VPS25: variants seen among roughly 807,000 people sequenced by gnomAD.
VPS25 encodes the protein vacuolar protein sorting 25 homolog.
A neutral mutation model predicts 30.3 loss-of-function variants in VPS25; 21 were observed. The observed-to-expected ratio is 0.69, with a 90% CI of 0.49 to 1.00. The LOEUF (loss-of-function observed/expected upper bound fraction) is 1.00. Among genes scored for constraint, VPS25 ranks in the 50% least tolerant of loss-of-function variants. VPS25 has a pLI of 0.00. For synonymous variants in VPS25, 101 were observed against 88.1 expected, an observed-to-expected ratio of 1.15 and a Z score of -0.82; for missense variants, 156 against 217.2, an observed-to-expected ratio of 0.72 and a Z score of 1.77.
At position 42,773,755 on chromosome 17, in the gene VPS25, C is replaced by A; in HGVS notation, c.76C>A (p.Arg26=). 3.1e-6 allele frequency: 5 copies of A among 1,614,098 alleles called. No individual in the cohort carries two copies. Among genetic ancestry groups the A allele is most frequent in the Non-Finnish European group, 4.2e-6 (5 of 1,179,992 alleles). Residue 26 remains arginine (R), a synonymous_variant, in exon 2 of 6, where the codon CGG becomes AGG. Transcript: ENST00000253794. ...CAGGTTACAACCGAATGTGGACACT[C>A]GGCAGAAGCAGCTGGCCGCCTGGTG... The part of the protein sequence containing the change: ...FFTLQPNVDT[R]QKQLAAWCSL...
In VPS25 at chr17:42,779,186, C is replaced by G; in HGVS notation, c.*117C>G. 1 of 935,628 alleles carries G rather than the reference C, an allele frequency of 1.1e-6. No individual in the cohort carries two copies. The highest frequency in any genetic ancestry group is 1.6e-6 in the Non-Finnish European group (1 of 607,440). 58.0% of individuals were successfully genotyped at this position (935,628 alleles called of 1,614,324 possible). Reference sequence around the variant, plus strand: ...GACTCCACCAGACTCAAAAGGACTCCAGTCCTGAAGGCTGGGACCTGGGGA... The same window carrying G: ...GACTCCACCAGACTCAAAAGGACTCGAGTCCTGAAGGCTGGGACCTGGGGA... On this transcript the variant is annotated 3_prime_UTR_variant, in exon 6 of 6. Transcript: ENST00000253794.
At chr17:42,773,950 C>T (rs934461113) in intron 2 of VPS25, 72 bp downstream of exon 2, 5 of 1,525,106 alleles carry the variant, frequency 3.3e-6, no homozygotes, top group Admixed American at 1.9e-5. Context: ...CCAGACGCCC[C>T]CCCGCGCCAG....
intron 5 of VPS25, among the ~76,000 whole-genome samples, chr17:42,777,878 C>G (rs888660908): frequency 1.3e-5 from 2 of 152,180 alleles, no homozygotes; most frequent in Non-Finnish European, 2.9e-5. Flanking sequence ...AGGGTGTCTC[C>G]CCTTTCTGCC....
chr17:42,774,839 C>G, intron 3 of VPS25, 140 bp downstream of exon 3: 1 of 631,458 alleles, frequency 1.6e-6, no homozygotes, highest in South Asian at 2.6e-5. Context: ...AGTAGGCAGC[C>G]CAATTCCCAA....
At chr17:42,778,193 GT>G (rs959083192) in intron 5 of VPS25, among the ~76,000 whole-genome samples, 12 of 148,548 alleles carry the variant, frequency 8.1e-5, no homozygotes, top group South Asian at 2.1e-4. Flanking sequence ...AATTTTTTTG[GT>G]TTTTTTTTTG....
In VPS25 at chr17:42,774,656, T is replaced by A. The variant is rs1381088625; in HGVS notation, c.210T>A (p.Pro70=). ...TTAACCTTAAACCAGGAAAGCTTCCTGTGGAGTCGATCCAGATTGTATTAG... is the reference window on the plus strand; with the variant it reads ...TTAACCTTAAACCAGGAAAGCTTCCAGTGGAGTCGATCCAGATTGTATTAG... ...FNNVKLQRKL[P]VESIQIVLEE... is the part of the protein sequence containing the mutation. The change falls in exon 3 of 6, where the codon CCT becomes CCA. Residue 70 remains proline, a synonymous_variant. Coordinates refer to ENST00000253794, the MANE Select transcript of VPS25 (RefSeq NM_032353.4). 1 of 1,613,098 alleles carries A rather than the reference T, an allele frequency of 6.2e-7. No homozygotes were observed. The highest frequency in any genetic ancestry group is 8.5e-7 in the Non-Finnish European group (1 of 1,179,290).
chr17:42,776,380 C>A lies in VPS25; in HGVS notation c.418+60C>A. The A allele has an allele frequency of 4.0e-6, 6 of 1,509,750 alleles. No homozygotes were observed. In the Admixed American group the frequency reaches 1.0e-4, roughly 26 times the overall value. 93.5% of individuals were successfully genotyped at this position (1,509,750 alleles called of 1,614,324 possible). On this transcript the variant is annotated intron_variant, in intron 5 of 5. Transcript: ENST00000253794. ...TTTGTTTTGTTTTGTTTTGTTTTTC[C>A]GATATGGAGTCTTGCTCTGTCACCC...
At position 42,775,333 on chromosome 17, in the gene VPS25, T is replaced by G. The variant is rs202047928; in HGVS notation, c.254-48T>G. On this transcript the variant is annotated intron_variant, in intron 3 of 5. Transcript: ENST00000253794. ...CCTCCCGCCTTGGCCTCCCAAAGTG[T>G]AAGCCACTGCGCGCCTGGTTATGCT... The G allele has an allele frequency of 7.2e-6, 11 of 1,526,174 alleles. No individual in the cohort carries two copies. In the African/African-American group the frequency reaches 1.2e-4, roughly 17 times the overall value. 94.5% of individuals were successfully genotyped at this position (1,526,174 alleles called of 1,614,324 possible).
rs758451698 is a variant in VPS25 at position 42,779,022 on chromosome 17, G to A, written c.484G>A (p.Ala162Thr). Residue 162 changes from alanine (A) to threonine (T), a missense_variant, in exon 6 of 6, where the codon GCC (alanine) becomes ACC (threonine). By Grantham distance (58) the Ala-to-Thr change is moderately conservative. Coordinates refer to ENST00000253794, the MANE Select transcript of VPS25 (RefSeq NM_032353.4). ...GCAGGCCCTACAGCAGGAGCACAAG[G>A]CCGAGATCATCACTGTCAGCGATGG... The part of the protein sequence containing the change: ...ALQALQQEHK[A>T]EIITVSDGRG... The A allele has an allele frequency of 3.1e-6, 5 of 1,610,462 alleles. No homozygotes were observed. The highest frequency in any genetic ancestry group is 4.2e-6 in the Non-Finnish European group (5 of 1,178,584).
Position 42,778,937 on chromosome 17 carries a change from G to A in VPS25, c.419-20G>A, listed in dbSNP as rs2054451686. ...TGGGCCTCAGGAGCTGATTGTCTCT[G>A]CCTATCTCTCCCTGTTCAGAGTTCC... On this transcript the variant is annotated intron_variant, in intron 5 of 5. Transcript: ENST00000253794. 2 of 1,611,442 alleles carry A rather than the reference G, an allele frequency of 1.2e-6. No homozygotes were observed. Among genetic ancestry groups the A allele is most frequent in the South Asian group, 2.2e-5 (2 of 90,870 alleles).
chr17:42,775,628 T>C (rs2054431695), intron 4 of VPS25, among the ~76,000 whole-genome samples, 159 bp downstream of exon 4: 1 of 152,202 alleles, frequency 6.6e-6, no homozygotes, highest in Non-Finnish European at 1.5e-5. Context: ...CCTCTTTAAG[T>C]GACTCAATGT....
chr17:42,774,603 C>G (rs377412270), intron 2 of VPS25, 43 bp from the exon 3 acceptor site: 7 of 1,586,066 alleles, frequency 4.4e-6, no homozygotes, highest in African/African-American at 2.7e-5. Flanking sequence ...AATTTTTATC[C>G]TACCCAACTC....
intron 5 of VPS25, among the ~76,000 whole-genome samples, chr17:42,777,325 G>T (rs1271028595): frequency 6.6e-6 from 1 of 152,174 alleles, no homozygotes; most frequent in Non-Finnish European, 1.5e-5. Flanking sequence ...GACCAGCCTG[G>T]CCAACATAGT....
In VPS25 at chr17:42,778,993, C is replaced by A. The variant is rs1303661720; in HGVS notation, c.455C>A (p.Ala152Asp). Reference protein sequence around the residue: ...HGLDEATLLRALQALQQEHKA... With the variant: ...HGLDEATLLRDLQALQQEHKA... Reference sequence around the variant, plus strand: ...CTGGATGAAGCCACTCTACTGCGGGCTCTGCAGGCCCTACAGCAGGAGCAC... The same window carrying A: ...CTGGATGAAGCCACTCTACTGCGGGATCTGCAGGCCCTACAGCAGGAGCAC... The change falls in exon 6 of 6, where the codon GCT becomes GAT. Residue 152 changes from alanine (A) to aspartate (D), a missense_variant. Coordinates refer to ENST00000253794, the MANE Select transcript of VPS25 (RefSeq NM_032353.4). 1 of 1,614,028 alleles carries A rather than the reference C, an allele frequency of 6.2e-7. No homozygotes were observed. Among genetic ancestry groups the A allele is most frequent in the African/African-American group, 1.3e-5 (1 of 74,928 alleles).
Position 42,773,503 on chromosome 17 carries a change from C to CA in VPS25, c.29dup (p.Tyr11ValfsTer82). ...GGCGATGAGTTTCGAGTGGCCGTGGCAGTATCGCTTCCCACCCTTCTTTAC... is the reference window on the plus strand; with the variant it reads ...GGCGATGAGTTTCGAGTGGCCGTGGCAAGTATCGCTTCCCACCCTTCTTTAC... On this transcript the variant is annotated frameshift_variant, in exon 1 of 6. Coordinates refer to ENST00000253794, the MANE Select transcript of VPS25 (RefSeq NM_032353.4). LOFTEE classifies it high-confidence loss of function. The CA allele has an allele frequency of 6.2e-7, 1 of 1,614,202 alleles. No individual in the cohort carries two copies. Among genetic ancestry groups the CA allele is most frequent in the Non-Finnish European group, 8.5e-7 (1 of 1,180,026 alleles).
chr17:42,777,713 C>A (rs1441559149), intron 5 of VPS25, among the ~76,000 whole-genome samples: 1 of 152,126 alleles, frequency 6.6e-6, no homozygotes, highest in Non-Finnish European at 1.5e-5. Context: ...TAGGCCAACA[C>A]CCCCAGCCCA....
intron 4 of VPS25, 92 bp from the exon 5 acceptor site, chr17:42,776,153 T>C (rs2054434174): frequency 1.8e-6 from 2 of 1,120,468 alleles, no homozygotes; most frequent in South Asian, 1.4e-5. Flanking sequence ...GGAATAGGTA[T>C]CATTCCTGGA....
chr17:42,775,522 C>T, intron 4 of VPS25, 53 bp downstream of exon 4: 2 of 1,463,526 alleles, frequency 1.4e-6, no homozygotes, highest in South Asian at 1.2e-5. Context: ...AAAAGGTTAA[C>T]TATATTAGGG....
At chr17:42,774,368 CTTTCTTT>C in intron 2 of VPS25, 2 of 337,788 alleles carry the variant, frequency 5.9e-6, no homozygotes, top group Non-Finnish European at 5.2e-6. Context: ...AAGCTTCTTT[CTTTCTTT>C]TTTTTTTTTT....
Sources: gnomAD v4.1 joint callset for allele counts (sites outside exome capture counted in the v4.1 genomes callset) on GRCh38, gnomAD v4.1.1 for gene constraint, MANE v1.5 for transcripts, NCBI Gene and HGNC (gene_info 2026-07-23, HGNC 2026-07-21) for gene names.